The following TMEM236 variants were observed in gnomAD, a reference collection of about 807,000 sequenced individuals.
TMEM236 encodes the protein family with sequence similarity 23, member A.
In TMEM236, 11 loss-of-function variants were observed where a neutral mutation model predicts 14.7. That is an observed-to-expected ratio of 0.75 (90% CI 0.47 to 1.24). The LOEUF is 1.24. Among genes scored for constraint, TMEM236 ranks in the 50% most tolerant of loss-of-function variants. The pLI is 0.00. For synonymous variants in TMEM236, 182 were observed against 168.6 expected (o/e 1.08, Z -0.62); for missense variants, 464 against 427.3 (o/e 1.09, Z -0.76).
intron 1 of TMEM236, among the ~76,000 whole-genome samples, chr10:17,753,362 G>A (rs1837236850): frequency 6.6e-6 from 1 of 152,164 alleles, no homozygotes; most frequent in Admixed American, 6.6e-5. Flanking sequence ...ATTAAGCCTA[G>A]TACCTATTAG....
At chr10:17,768,214 C>A (rs934203721) in intron 1 of TMEM236, among the ~76,000 whole-genome samples, 11 of 150,932 alleles carry the variant, frequency 7.3e-5, no homozygotes, top group South Asian at 2.1e-4. Flanking sequence ...AGGCATGAGC[C>A]ACCAGGCCTG....
At chr10:17,765,163 G>C (rs1564594207) in intron 1 of TMEM236, among the ~76,000 whole-genome samples, 1 of 152,124 alleles carries the variant, frequency 6.6e-6, no homozygotes, top group South Asian at 2.1e-4. Flanking sequence ...TATTGGATCA[G>C]AGTCTCCCCT....
intron 1 of TMEM236, among the ~76,000 whole-genome samples, chr10:17,753,401 C>G (rs1026691444): frequency 6.6e-6 from 1 of 152,154 alleles, no homozygotes; most frequent in Non-Finnish European, 1.5e-5. Context: ...TCCCTCCCAC[C>G]GTTCACCCTC....
intron 1 of TMEM236, among the ~76,000 whole-genome samples, chr10:17,758,857 T>C (rs951267112): frequency 2.0e-5 from 3 of 152,340 alleles, no homozygotes; most frequent in African/African-American, 7.2e-5. Flanking sequence ...CTCAGAAATG[T>C]TTTACATTAA....
At chr10:17,778,206 G>A (rs1055502275) in intron 3 of TMEM236, among the ~76,000 whole-genome samples, 2 of 152,066 alleles carry the variant, frequency 1.3e-5, no homozygotes, top group African/African-American at 2.4e-5. Flanking sequence ...GCTGTTCTCC[G>A]TCCAAATTTA....
At chr10:17,785,193 G>A (rs2131760957) in intron 3 of TMEM236, among the ~76,000 whole-genome samples, 1 of 152,296 alleles carries the variant, frequency 6.6e-6, no homozygotes, top group South Asian at 2.1e-4. Context: ...TGAATCGGGG[G>A]CCACTGGTTA....
chr10:17,767,231 G>A (rs1837482233), intron 1 of TMEM236, among the ~76,000 whole-genome samples: 1 of 152,174 alleles, frequency 6.6e-6, no homozygotes, highest in Non-Finnish European at 1.5e-5. Flanking sequence ...GGGAGGCCGA[G>A]GTGGGTGGAT....
intron 1 of TMEM236, among the ~76,000 whole-genome samples, chr10:17,754,524 G>C (rs1414320057): frequency 6.6e-6 from 1 of 151,988 alleles, no homozygotes; most frequent in Non-Finnish European, 1.5e-5. Context: ...ATGAGGTTTT[G>C]CCACATTGCT....
chr10:17,759,674 A>G (rs1837327944), intron 1 of TMEM236, among the ~76,000 whole-genome samples: 1 of 152,162 alleles, frequency 6.6e-6, no homozygotes, highest in Non-Finnish European at 1.5e-5. Context: ...GAATCTTGAT[A>G]TGCAAGAACA....
chr10:17,764,837 C>CTTTTTTTTTTTTTTT (rs1238545582), intron 1 of TMEM236, among the ~76,000 whole-genome samples: 2 of 127,422 alleles, frequency 1.6e-5, no homozygotes, highest in African/African-American at 2.9e-5. Context: ...CAGATTTTCC[C>CTTTTTTTTTTTTTTT]TTTTTTTTTT....
chr10:17,781,917 T>G (rs1452967024), intron 3 of TMEM236, among the ~76,000 whole-genome samples: 7 of 152,160 alleles, frequency 4.6e-5, no homozygotes, highest in Non-Finnish European at 7.3e-5. Flanking sequence ...CTCTGCTAAA[T>G]GTTTAAAAAT....
chr10:17,766,696 G>C (rs1265078552), intron 1 of TMEM236, among the ~76,000 whole-genome samples: 28 of 152,292 alleles, frequency 1.8e-4, no homozygotes, highest in African/African-American at 6.0e-4. Context: ...AAGTTTCCTA[G>C]AAATGCGACA....
Position 17,797,993 on chromosome 10 carries a change from C to T in TMEM236, c.*1489C>T, listed in dbSNP as rs1838044149. On this transcript the variant is annotated 3_prime_UTR_variant, in exon 4 of 4. Transcript: ENST00000377495. ...AATATAATAGCCAATGTATCAGTGT[C>T]TTATGTGATACTATATCATGGATAT... 6.5e-6 allele frequency: 1 copy of T among 152,710 alleles called. No individual in the cohort carries two copies. Among genetic ancestry groups the T allele is most frequent in the Admixed American group, 6.5e-5 (1 of 15,360 alleles). The allele number at this position is 152,710 out of a possible 1,614,324, so 9.5% of individuals were successfully genotyped here. A position where few individuals can be genotyped will look rare whatever the true frequency, so the allele number is the denominator to read the frequency against.
rs974474338 is a variant in TMEM236, at chr10:17,798,967, A to G, written c.*2463A>G. 3.2e-6 allele frequency: 1 copy of G among 313,604 alleles called. No homozygotes were observed. The highest frequency in any genetic ancestry group is 8.5e-5 in the East Asian group (1 of 11,778). 19.4% of individuals were successfully genotyped at this position (313,604 alleles called of 1,614,324 possible). A position where few individuals can be genotyped will look rare whatever the true frequency, so the allele number is the denominator to read the frequency against. The stretch of plus-strand genomic sequence containing the variant: ...TCACCCTCTGGGAATAATCATTTCA[A>G]CTTTGCATTTGTGAAAAATAATACA... On this transcript the variant is annotated 3_prime_UTR_variant, in exon 4 of 4. Transcript: ENST00000377495.
intron 2 of TMEM236, 68 bp downstream of exon 2, chr10:17,771,449 G>T: frequency 6.7e-7 from 1 of 1,490,226 alleles, no homozygotes; most frequent in Non-Finnish European, 9.4e-7. Flanking sequence ...ATTGGAATTT[G>T]ATAGAGCAGC....
At chr10:17,759,759 A>G (rs1837328967) in intron 1 of TMEM236, among the ~76,000 whole-genome samples, 1 of 152,058 alleles carries the variant, frequency 6.6e-6, no homozygotes, top group Non-Finnish European at 1.5e-5. Context: ...TGAGTAGTTG[A>G]GTCAAGACTG....
Position 17,800,564 on chromosome 10 carries a change from G to A in TMEM236, c.*4060G>A, listed in dbSNP as rs1225257698. On this transcript the variant is annotated 3_prime_UTR_variant, in exon 4 of 4. Transcript: ENST00000377495. ...GAATGACAATTGCAATGAGGCATAG[G>A]AAAGAAAAGGGAAATGAAATTGCTT... 6.6e-6 allele frequency: 1 copy of A among 152,122 alleles called. No individual in the cohort carries two copies. Among genetic ancestry groups the A allele is most frequent in the Non-Finnish European group, 1.5e-5 (1 of 68,026 alleles). 9.4% of individuals were successfully genotyped at this position (152,122 alleles called of 1,614,324 possible). A position where few individuals can be genotyped will look rare whatever the true frequency, so the allele number is the denominator to read the frequency against.
chr10:17,754,221 T>A (rs1383202714), intron 1 of TMEM236, among the ~76,000 whole-genome samples: 2 of 152,194 alleles, frequency 1.3e-5, no homozygotes, highest in Non-Finnish European at 2.9e-5. Context: ...CTGAAAGTAA[T>A]GTCTATTTTT....
intron 3 of TMEM236, among the ~76,000 whole-genome samples, chr10:17,778,389 T>C (rs963330625): frequency 9.9e-5 from 15 of 152,248 alleles, no homozygotes; most frequent in Non-Finnish European, 2.1e-4. Flanking sequence ...AAATTAATGA[T>C]ATAAATTATG....
Sources: allele counts gnomAD v4.1 joint callset (sites outside exome capture counted in the v4.1 genomes callset), GRCh38; gene constraint gnomAD v4.1.1; transcripts MANE v1.5; gene names NCBI Gene and HGNC (gene_info 2026-07-23, HGNC 2026-07-21).